The following HMSD variants were observed in gnomAD, a reference collection of about 807,000 sequenced individuals.
HMSD encodes the protein serpin-like protein HMSD.
Under a neutral mutation model 10.0 loss-of-function variants are expected in HMSD, and 13 were observed. The ratio of observed to expected loss-of-function variants is 1.31; its 90% CI spans 0.85 to 2.08. The LOEUF is 2.08. Among genes scored for constraint, HMSD ranks in the 30% most tolerant of loss-of-function variants. HMSD has a pLI of 0.00. For missense variants in HMSD, 169 were observed against 166.3 expected (o/e 1.02, Z -0.09); for synonymous variants, 51 against 54.2 (o/e 0.94, Z 0.26).
Position 63,960,365 on chromosome 18 carries a change from C to CT in HMSD, c.*16dup, listed in dbSNP as rs756594668. On this transcript the variant is annotated 3_prime_UTR_variant, in exon 4 of 4. Coordinates refer to ENST00000408945, the MANE Select transcript of HMSD (RefSeq NM_001123366.2). ...AAACTGTCAAATATAAAAAGGAGTCCTTTTTTCTCTAAACAACTATGCAAA... is the reference window on the plus strand; with the variant it reads ...AAACTGTCAAATATAAAAAGGAGTCCTTTTTTTCTCTAAACAACTATGCAAA... 3.1e-5 allele frequency: 48 copies of CT among 1,565,292 alleles called. No individual in the cohort carries two copies. Among genetic ancestry groups the CT allele is most frequent in the Non-Finnish European group, 4.1e-5 (48 of 1,157,498 alleles).
intron 2 of HMSD, among the ~76,000 whole-genome samples, 169 bp downstream of exon 2, chr18:63,953,696 C>T (rs993415598): frequency 6.6e-6 from 1 of 152,196 alleles, no homozygotes; most frequent in Non-Finnish European, 1.5e-5. Context: ...AAGGCCTGAC[C>T]TTCTTGGTGA....
At chr18:63,951,653 T>G (rs1321340552) in intron 1 of HMSD, among the ~76,000 whole-genome samples, 1 of 152,180 alleles carries the variant, frequency 6.6e-6, no homozygotes, top group Non-Finnish European at 1.5e-5. Flanking sequence ...AAAAAAGCAA[T>G]GCATCCATTA....
At chr18:63,968,809 T>G (rs72943600) in intron 3 of HMSD, 1 of 152,172 alleles carries the variant, frequency 6.6e-6, no homozygotes, top group Non-Finnish European at 1.5e-5. Context: ...ACAGTTCAAA[T>G]GTGAGTCTGT....
downstream of HMSD, chr18:63,966,494 C>T (rs531312093): frequency 6.6e-5 from 10 of 152,292 alleles, no homozygotes; most frequent in South Asian, 4.1e-4. Context: ...TTGGCACTAA[C>T]GCAGTCAGAA....
At position 63,961,369 on chromosome 18, in the gene HMSD, T is replaced by C. The variant is rs147923605; in HGVS notation, c.*1014T>C. The C allele has an allele frequency of 3.3e-5, 5 of 152,198 alleles. No individual in the cohort carries two copies. Among genetic ancestry groups the C allele is most frequent in the African/African-American group, 1.2e-4 (5 of 41,460 alleles). 9.4% of individuals were successfully genotyped at this position (152,198 alleles called of 1,614,324 possible). On this transcript the variant is annotated 3_prime_UTR_variant, in exon 4 of 4. Transcript: ENST00000408945. The stretch of plus-strand genomic sequence containing the variant: ...TATGCATATTGTTCCTAGAGGGTCT[T>C]GTGAAATTTTGTTTGTCATATTCTC...
downstream of HMSD, among the ~76,000 whole-genome samples, chr18:63,965,983 A>G (rs1337835915): frequency 6.6e-6 from 1 of 152,198 alleles, no homozygotes; most frequent in East Asian, 1.9e-4. Flanking sequence ...ACATGGGGAG[A>G]AACCTTACTT....
In HMSD at chr18:63,960,344, T is replaced by C; in HGVS notation, c.409T>C (p.Cys137Arg). The C allele has an allele frequency of 6.3e-7, 1 of 1,579,738 alleles. No individual in the cohort carries two copies. ...NSFIVSSLQN[C>R]QI ...TTTTATAGTCAGTTCTTTACAAAAC[T>C]GTCAAATATAAAAAGGAGTCCTTTT... The change falls in exon 4 of 4, where the codon TGT becomes CGT. Residue 137 changes from cysteine to arginine, a missense_variant. Cys to Arg is a radical substitution (Grantham distance 180, BLOSUM62 -3). Transcript: ENST00000408945.
At chr18:63,968,668 A>G (rs980919249) in intron 3 of HMSD, 5 of 152,264 alleles carry the variant, frequency 3.3e-5, no homozygotes, top group Non-Finnish European at 5.9e-5. Context: ...TTGCTGGTCA[A>G]AGAGGAAAAG....
At chr18:63,963,188 ATTGCTTCCTTCC>A (rs373221977), downstream of HMSD, among the ~76,000 whole-genome samples, 7 of 104,166 alleles carry the variant, frequency 6.7e-5, no homozygotes, top group African/African-American at 2.8e-4. Context: ...TCCTTCCTTC[ATTGCTTCCTTCC>A]TTGCTTCCTT....
chr18:63,967,401 T>C (rs1004929886), intron 3 of HMSD, among the ~76,000 whole-genome samples: 8 of 152,192 alleles, frequency 5.3e-5, no homozygotes, highest in African/African-American at 1.9e-4. Context: ...CCAAAAGTGC[T>C]GGGATTACAG....
chr18:63,955,105 A>G (rs995474167), intron 3 of HMSD, among the ~76,000 whole-genome samples: 1 of 152,244 alleles, frequency 6.6e-6, no homozygotes, highest in Non-Finnish European at 1.5e-5. Context: ...CTTCTTTCTT[A>G]TGCCACAACT....
intron 1 of HMSD, among the ~76,000 whole-genome samples, chr18:63,949,644 C>T (rs1220005386): frequency 6.6e-6 from 1 of 151,992 alleles, no homozygotes; most frequent in Non-Finnish European, 1.5e-5. Flanking sequence ...GAGGGGAGGC[C>T]AGGGCGAATG....
chr18:63,952,023 G>A (rs2050333123), intron 1 of HMSD, among the ~76,000 whole-genome samples: 1 of 150,956 alleles, frequency 6.6e-6, no homozygotes, highest in Non-Finnish European at 1.5e-5. Context: ...ATCATTCTCA[G>A]TAAACTATCG....
downstream of HMSD, among the ~76,000 whole-genome samples, chr18:63,963,648 C>T (rs561713897): frequency 8.9e-4 from 136 of 152,290 alleles, 2 homozygotes; most frequent in South Asian, 9.1e-3. Flanking sequence ...GAGACAGATT[C>T]AGTAGTTATC....
At chr18:63,963,084 T>TCTTC (rs1304310413), downstream of HMSD, among the ~76,000 whole-genome samples, 2 of 43,542 alleles carry the variant, frequency 4.6e-5, no homozygotes, top group Non-Finnish European at 8.1e-5. Context: ...TTTCTTTCTT[T>TCTTC]CTTTCTTTCT....
At chr18:63,963,109 CTTTCTTTCTTTCT>C (rs2050395211), downstream of HMSD, among the ~76,000 whole-genome samples, 1 of 132,906 alleles carries the variant, frequency 7.5e-6, no homozygotes, top group African/African-American at 3.1e-5. Context: ...TTCTTTCTTT[CTTTCTTTCTTTCT>C]TTCTTTCTTT....
In HMSD at chr18:63,954,471, C is replaced by A; in HGVS notation, c.136C>A (p.Leu46Ile). The change falls in exon 3 of 4, where the codon CTT (leucine) becomes ATT (isoleucine). Residue 46 changes from leucine (L) to isoleucine (I), a missense_variant. Leu to Ile is a conservative substitution (Grantham distance 5). Transcript: ENST00000408945. ...TATTCATCGAGGTTTTCAGTCACTT[C>A]TTGTTGCAATTAACAGAACTGACAC... ...GDIHRGFQSL[L>I]VAINRTDTEY... The A allele has an allele frequency of 1.2e-6, 2 of 1,613,624 alleles. No individual in the cohort carries two copies. The highest frequency in any genetic ancestry group is 1.7e-6 in the Non-Finnish European group (2 of 1,179,566).
downstream of HMSD, among the ~76,000 whole-genome samples, chr18:63,963,703 T>C (rs2050399751): frequency 6.6e-6 from 1 of 152,254 alleles, no homozygotes; most frequent in South Asian, 2.1e-4. Flanking sequence ...CATTCATTGC[T>C]GTGCCAGATA....
At chr18:63,958,152 C>A (rs760795620) in intron 3 of HMSD, among the ~76,000 whole-genome samples, 1 of 152,080 alleles carries the variant, frequency 6.6e-6, no homozygotes. Context: ...TAGTGTACAT[C>A]GATCAGTTAC....
Sources: allele counts gnomAD v4.1 joint callset (sites outside exome capture counted in the v4.1 genomes callset), GRCh38; gene constraint gnomAD v4.1.1; transcripts MANE v1.5; gene names NCBI Gene and HGNC (gene_info 2026-07-23, HGNC 2026-07-21).